The following CFAP97D1 variants were observed in gnomAD, a reference collection of about 807,000 sequenced individuals.
The protein encoded by CFAP97D1 is sperm axonemal maintenance protein CFAP97D1.
CFAP97D1 carries 15 observed loss-of-function variants against 20.5 expected under a neutral mutation model. The ratio of observed to expected loss-of-function variants is 0.73; its 90% CI spans 0.49 to 1.13. The LOEUF (loss-of-function observed/expected upper bound fraction) is 1.13. CFAP97D1 is among the 50% of genes most tolerant of loss of function. The pLI, the probability that CFAP97D1 is intolerant of heterozygous loss-of-function variation, is 0.00. For synonymous variants in CFAP97D1, 58 were observed against 71.2 expected (o/e 0.82, Z 0.93); for missense variants, 168 against 202.9 (o/e 0.83, Z 1.04).
In CFAP97D1 at chr17:43,783,922, G is replaced by C. The variant is rs753808914; in HGVS notation, c.*29G>C. 2.6e-6 allele frequency: 4 copies of C among 1,512,638 alleles called. No homozygotes were observed. The South Asian group carries it at 4.8e-5, about 18-fold the overall frequency. 93.7% of individuals were successfully genotyped at this position (1,512,638 alleles called of 1,614,324 possible). A position where few individuals can be genotyped will look rare whatever the true frequency, so the allele number is the denominator to read the frequency against. Reference sequence around the variant, plus strand: ...TGTCTCTCTTACTATCAAACACTGTGACCACAGCTGATACCAAAGCCCTGA... The same window carrying C: ...TGTCTCTCTTACTATCAAACACTGTCACCACAGCTGATACCAAAGCCCTGA... On this transcript the variant is annotated intron_variant, in intron 5 of 5. Transcript: ENST00000449302.
At chr17:43,781,293 C>T (rs1974470301) in intron 2 of CFAP97D1, 104 bp downstream of exon 2, 1 of 961,156 alleles carries the variant, frequency 1.0e-6, no homozygotes, top group Admixed American at 2.2e-5. Flanking sequence ...TACCCATCTA[C>T]TCAAAGATTT....
intron 1 of CFAP97D1, 82 bp from the exon 2 acceptor site, chr17:43,781,037 A>G (rs1373247763): frequency 9.6e-7 from 1 of 1,036,624 alleles, no homozygotes; most frequent in Non-Finnish European, 1.5e-6. Flanking sequence ...TTAGTCAAGG[A>G]CATTGTCTAG....
chr17:43,780,542 T>G lies in CFAP97D1; in HGVS notation c.80T>G (p.Leu27Arg). 1 of 1,551,716 alleles carries G rather than the reference T, an allele frequency of 6.4e-7. No individual in the cohort carries two copies. Among genetic ancestry groups the G allele is most frequent in the Non-Finnish European group, 8.7e-7 (1 of 1,146,996 alleles). The change falls in exon 1 of 6, where the codon CTG becomes CGG. Residue 27 changes from leucine (L) to arginine (R), a missense_variant. Coordinates refer to ENST00000449302, the MANE Select transcript of CFAP97D1 (RefSeq NM_001136483.3). The stretch of plus-strand genomic sequence containing the variant: ...CAAAGCACAACCTTCAGAAAGAAAC[T>G]GGACTTTGGCCACTACGTATCTCAC... ...HRQSTTFRKK[L>R]DFGHYVSHKN...
At chr17:43,783,778 A>G (rs773624668) in intron 4 of CFAP97D1, 59 bp from the exon 5 acceptor site, 113 of 1,278,990 alleles carry the variant, frequency 8.8e-5, no homozygotes, top group Non-Finnish European at 1.3e-5. Context: ...TGGGATTTAG[A>G]ACTTCAGTAA....
In CFAP97D1 at chr17:43,781,048, T is replaced by A. The variant is rs1446763038; in HGVS notation, c.125-71T>A. On this transcript the variant is annotated intron_variant, in intron 1 of 5. Coordinates refer to ENST00000449302, the MANE Select transcript of CFAP97D1 (RefSeq NM_001136483.3). Reference sequence around the variant, plus strand: ...TTCATTAGTCAAGGACATTGTCTAGTGCTGGTTTTCTGAGGCCGCTACTGG... The same window carrying A: ...TTCATTAGTCAAGGACATTGTCTAGAGCTGGTTTTCTGAGGCCGCTACTGG... 2.6e-6 allele frequency: 3 copies of A among 1,158,038 alleles called. No homozygotes were observed. The African/African-American group carries it at 4.6e-5, about 18-fold the overall frequency. The allele number at this position is 1,158,038 out of a possible 1,614,324, so 71.7% of individuals were successfully genotyped here. A position where few individuals can be genotyped will look rare whatever the true frequency, so the allele number is the denominator to read the frequency against.
intron 3 of CFAP97D1, among the ~76,000 whole-genome samples, chr17:43,782,433 C>A (rs1974484295): frequency 6.6e-6 from 1 of 152,154 alleles, no homozygotes; most frequent in African/African-American, 2.4e-5. Flanking sequence ...ATACCATCAC[C>A]TTCATGGTTA....
At chr17:43,781,404 C>A (rs1213394207) in intron 2 of CFAP97D1, among the ~76,000 whole-genome samples, 2 of 150,892 alleles carry the variant, frequency 1.3e-5, no homozygotes, top group Admixed American at 1.3e-4. Flanking sequence ...AATCTCGGCT[C>A]ACTGCAACCT....
intron 2 of CFAP97D1, 94 bp downstream of exon 2, chr17:43,781,283 T>TA: frequency 2.0e-6 from 2 of 1,011,548 alleles, no homozygotes; most frequent in Non-Finnish European, 3.0e-6. Context: ...GCCTTCTAAA[T>TA]ACCCATCTAC....
rs148379784 is a variant in CFAP97D1, at chr17:43,783,897, T to C, written c.*4T>C. On this transcript the variant is annotated splice_donor_region_variant and intron_variant, in intron 5 of 5. Coordinates refer to ENST00000449302, the MANE Select transcript of CFAP97D1 (RefSeq NM_001136483.3). ...TCTTCTCTCCCAAAATGAATAGGTA[T>C]GTCTCTCTTACTATCAAACACTGTG... is the stretch of plus-strand genomic sequence containing the variant. 1 of 1,546,414 alleles carries C rather than the reference T, an allele frequency of 6.5e-7. No individual in the cohort carries two copies. Among genetic ancestry groups the C allele is most frequent in the Non-Finnish European group, 8.7e-7 (1 of 1,142,982 alleles).
intron 2 of CFAP97D1, 30 bp downstream of exon 2, chr17:43,781,219 A>C: frequency 6.6e-7 from 1 of 1,519,382 alleles, no homozygotes; most frequent in Non-Finnish European, 8.9e-7. Flanking sequence ...GCAGATGTGC[A>C]GATGTATTTT....
rs754012548 is a variant in CFAP97D1 at position 43,780,442 on chromosome 17, A to T, written c.-21A>T. On this transcript the variant is annotated 5_prime_UTR_variant, in exon 1 of 6. Transcript: ENST00000449302. ...GAGGAGTCTGGGTACCTCATTTCTG[A>T]AGTGAGACTAGGAAGAGAAGATGAA... 1.9e-6 allele frequency: 3 copies of T among 1,551,576 alleles called. No individual in the cohort carries two copies. The South Asian group carries it at 3.6e-5, about 18-fold the overall frequency.
rs1368525906 is a variant in CFAP97D1 at position 43,786,776 on chromosome 17, T to A, written c.*2394T>A. ...TCATGGTATTACGTAAATGGCGTCATGCAATGTATGTTCATCCTTTTGAGA... is the reference window on the plus strand; with the variant it reads ...TCATGGTATTACGTAAATGGCGTCAAGCAATGTATGTTCATCCTTTTGAGA... On this transcript the variant is annotated 3_prime_UTR_variant, in exon 6 of 6. Coordinates refer to ENST00000449302, the MANE Select transcript of CFAP97D1 (RefSeq NM_001136483.3). 6.6e-6 allele frequency: 1 copy of A among 152,230 alleles called. No individual in the cohort carries two copies. Among genetic ancestry groups the A allele is most frequent in the Non-Finnish European group, 1.5e-5 (1 of 68,052 alleles). The allele number at this position is 152,230 out of a possible 1,614,324, so 9.4% of individuals were successfully genotyped here.
In CFAP97D1 at chr17:43,785,507, C is replaced by G. The variant is rs2044286831; in HGVS notation, c.*1125C>G. The G allele has an allele frequency of 6.6e-6, 1 of 151,976 alleles. No individual in the cohort carries two copies. Among genetic ancestry groups the G allele is most frequent in the Non-Finnish European group, 1.5e-5 (1 of 68,092 alleles). The allele number at this position is 151,976 out of a possible 1,614,324, so 9.4% of individuals were successfully genotyped here. The stretch of plus-strand genomic sequence containing the variant: ...TGGCGCGATCTCAGCTCACTGCAAC[C>G]TCCGCCTCCTGGGTTCAAGCGATTC... On this transcript the variant is annotated 3_prime_UTR_variant, in exon 6 of 6. Transcript: ENST00000449302.
At chr17:43,782,542 T>C (rs1389650268) in intron 3 of CFAP97D1, among the ~76,000 whole-genome samples, 1 of 152,196 alleles carries the variant, frequency 6.6e-6, no homozygotes, top group Non-Finnish European at 1.5e-5. Flanking sequence ...TCCAGAAATC[T>C]TTCCTGAGCA....
intron 3 of CFAP97D1, chr17:43,782,740 C>G (rs943768853): frequency 6.3e-6 from 1 of 158,820 alleles, no homozygotes; most frequent in Non-Finnish European, 1.4e-5. Flanking sequence ...GTCAAGATGC[C>G]ATTCTATATC....
At chr17:43,783,996 G>C in intron 5 of CFAP97D1, 103 bp downstream of exon 5, 1 of 847,650 alleles carries the variant, frequency 1.2e-6, no homozygotes, top group African/African-American at 1.7e-5. Context: ...GACGGATTTT[G>C]CTCTTCTCAT....
chr17:43,783,282 G>A lies in CFAP97D1; in HGVS notation c.417G>A (p.Arg139=), dbSNP rs567800057. 1.9e-6 allele frequency: 3 copies of A among 1,551,240 alleles called. No homozygotes were observed. The highest frequency in any genetic ancestry group is 2.4e-5 in the East Asian group (1 of 40,918). The change falls in exon 4 of 6, where the codon AGG becomes AGA. Residue 139 remains arginine (R), a synonymous_variant. Coordinates refer to ENST00000449302, the MANE Select transcript of CFAP97D1 (RefSeq NM_001136483.3). Reference sequence around the variant, plus strand: ...ATCGCAAACCCCACTATGACCGCAGGGCATCTGAGATAGACTGGCAGGCAC... The same window carrying A: ...ATCGCAAACCCCACTATGACCGCAGAGCATCTGAGATAGACTGGCAGGCAC... ...LVDRKPHYDR[R]ASEIDWQNSR... is the part of the protein sequence containing the mutation.
chr17:43,780,838 T>C lies in CFAP97D1; in HGVS notation c.124+252T>C, dbSNP rs144658965. 1.4e-4 allele frequency among the ~76,000 whole-genome samples: 21 copies of C among 152,332 alleles called. No individual in the cohort carries two copies. The East Asian group carries it at 3.9e-3, about 28-fold the overall frequency. ...AAGGGGATAAGACTTCAGAAGCCAA[T>C]AGACAGGCTAATAATATTGGAAAAA... On this transcript the variant is annotated intron_variant, in intron 1 of 5. Transcript: ENST00000449302.
At chr17:43,783,064 C>G in intron 3 of CFAP97D1, 116 bp from the exon 4 acceptor site, 1 of 1,312,590 alleles carries the variant, frequency 7.6e-7, no homozygotes, top group Non-Finnish European at 1.1e-6. Flanking sequence ...CTCAGCAGGA[C>G]AGTTTACTCC....
Sources: gnomAD v4.1 joint callset for allele counts (sites outside exome capture counted in the v4.1 genomes callset) on GRCh38, gnomAD v4.1.1 for gene constraint, MANE v1.5 for transcripts, NCBI Gene and HGNC (gene_info 2026-07-23, HGNC 2026-07-21) for gene names.